PDE1A: variants seen among roughly 807,000 people sequenced by gnomAD.
PDE1A encodes phosphodiesterase 1A.
Under a neutral mutation model 61.7 loss-of-function variants are expected in PDE1A, and 35 were observed. The observed-to-expected ratio is 0.57, with a 90% CI of 0.43 to 0.75. The LOEUF (loss-of-function observed/expected upper bound fraction) is 0.75, where lower values mean the gene tolerates loss of function less well. Ranked by LOEUF, PDE1A falls within the 30% of genes least tolerant of loss-of-function variation. The pLI is 0.00. For missense variants in PDE1A, 597 were observed against 630.6 expected (o/e 0.95, Z 0.57); for synonymous variants, 232 against 213.2 (o/e 1.09, Z -0.77).
chr2:182,610,087 C>CAAAA, the PDE1A span, among the ~76,000 whole-genome samples: 1 of 127,332 alleles, frequency 7.9e-6, no homozygotes, highest in Non-Finnish European at 1.6e-5. Context: ...GACTCTATCT[C>CAAAA]AAAAAAAAAA....
chr2:182,146,909 A>G (rs1046805318), downstream of PDE1A: 1 of 413,052 alleles, frequency 2.4e-6, no homozygotes, highest in African/African-American at 2.1e-5. Flanking sequence ...ATTTTGTCTC[A>G]AAGGATTGAT....
At chr2:182,462,346 T>C (rs146114799) in intron 2 of PDE1A, among the ~76,000 whole-genome samples, 2,619 of 151,130 alleles carry the variant, frequency 0.017, 39 homozygotes, top group Non-Finnish European at 0.025. Flanking sequence ...TATATATATG[T>C]ATATCTTATA....
At chr2:182,406,205 C>T (rs1425189138) in intron 1 of PDE1A, among the ~76,000 whole-genome samples, 1 of 151,912 alleles carries the variant, frequency 6.6e-6, no homozygotes, top group Non-Finnish European at 1.5e-5. Context: ...TCAAACAAGG[C>T]CTAAAATTAC....
the PDE1A span, among the ~76,000 whole-genome samples, chr2:182,664,145 T>C: frequency 6.6e-6 from 1 of 152,162 alleles, no homozygotes; most frequent in African/African-American, 2.4e-5. Flanking sequence ...ATCCATCCAA[T>C]AAATAAAAAT....
chr2:182,385,640 GAAGAAAGA>G (rs142307251), intron 1 of PDE1A, among the ~76,000 whole-genome samples: 2 of 70,486 alleles, frequency 2.8e-5, no homozygotes, highest in Non-Finnish European at 6.6e-5. Context: ...AAAGAAAGAA[GAAGAAAGA>G]AAGAAAGAAA....
chr2:182,616,559 C>A, the PDE1A span, among the ~76,000 whole-genome samples: 1 of 152,232 alleles, frequency 6.6e-6, no homozygotes, highest in Non-Finnish European at 1.5e-5. Flanking sequence ...GATTCAGCTT[C>A]TCTGTTTATG....
At chr2:182,527,664 A>G (rs1234180601), upstream of PDE1A, among the ~76,000 whole-genome samples, 1 of 152,086 alleles carries the variant, frequency 6.6e-6, no homozygotes, top group Non-Finnish European at 1.5e-5. Context: ...AAAGACAAAA[A>G]AAGTTCCTAA....
intron 1 of PDE1A, among the ~76,000 whole-genome samples, chr2:182,330,161 T>A (rs937488803): frequency 6.6e-6 from 1 of 152,060 alleles, no homozygotes; most frequent in Admixed American, 6.5e-5. Flanking sequence ...CTGGCCAACA[T>A]GGTGAAACCC....
intron 2 of PDE1A, among the ~76,000 whole-genome samples, chr2:182,501,765 C>T (rs1322970386): frequency 6.6e-6 from 1 of 152,190 alleles, no homozygotes; most frequent in Non-Finnish European, 1.5e-5. Flanking sequence ...ATACTTCCTC[C>T]CATGTCCTCA....
chr2:182,200,068 C>A (rs368729272), intron 10 of PDE1A, among the ~76,000 whole-genome samples: 2 of 152,042 alleles, frequency 1.3e-5, no homozygotes, highest in Non-Finnish European at 2.9e-5. Context: ...AATTAATGAA[C>A]AAACTTTCAA....
At chr2:182,263,258 T>C (rs1692360238) in intron 2 of PDE1A, among the ~76,000 whole-genome samples, 1 of 152,182 alleles carries the variant, frequency 6.6e-6, no homozygotes, top group Non-Finnish European at 1.5e-5. Flanking sequence ...CTGTCATCTA[T>C]GTGACAAATG....
the PDE1A span, among the ~76,000 whole-genome samples, chr2:182,529,903 C>T: frequency 6.6e-6 from 1 of 152,188 alleles, no homozygotes; most frequent in Non-Finnish European, 1.5e-5. Flanking sequence ...TCTTTTCCTT[C>T]ATAAATTACC....
intron 2 of PDE1A, among the ~76,000 whole-genome samples, chr2:182,242,897 TCC>T (rs1491300380): frequency 0.022 from 2,621 of 119,260 alleles, 24 homozygotes; most frequent in African/African-American, 0.046. Flanking sequence ...TCTCTCTCTC[TCC>T]CTCTCTCTCT....
At chr2:182,699,004 T>C in the PDE1A span, among the ~76,000 whole-genome samples, 1 of 152,176 alleles carries the variant, frequency 6.6e-6, no homozygotes. Context: ...AACATGAGGA[T>C]CAGGCAGTAA....
At chr2:182,578,255 A>G in the PDE1A span, among the ~76,000 whole-genome samples, 2 of 152,036 alleles carry the variant, frequency 1.3e-5, no homozygotes, top group Non-Finnish European at 2.9e-5. Flanking sequence ...TTTATACCTT[A>G]TGTATCTATT....
At chr2:182,464,926 T>G (rs1370615034) in intron 2 of PDE1A, among the ~76,000 whole-genome samples, 1 of 152,134 alleles carries the variant, frequency 6.6e-6, no homozygotes, top group Non-Finnish European at 1.5e-5. Flanking sequence ...TGATACATGA[T>G]GAACACTCAA....
At chr2:182,334,448 C>G (rs1232057530) in intron 1 of PDE1A, among the ~76,000 whole-genome samples, 1 of 152,178 alleles carries the variant, frequency 6.6e-6, no homozygotes, top group Non-Finnish European at 1.5e-5. Flanking sequence ...GGCTTCAACC[C>G]TGGGATGCAA....
chr2:182,382,288 T>C (rs1400852517), intron 1 of PDE1A, among the ~76,000 whole-genome samples: 1 of 152,180 alleles, frequency 6.6e-6, no homozygotes, highest in Admixed American at 6.5e-5. Flanking sequence ...ATAAGAAAGA[T>C]ATAAAGCTAG....
the PDE1A span, among the ~76,000 whole-genome samples, chr2:182,627,735 G>C: frequency 1.3e-5 from 2 of 151,670 alleles, no homozygotes; most frequent in Non-Finnish European, 2.9e-5. Context: ...CTGAAGTCAG[G>C]AGTTCGAGAC....
Sources: allele counts gnomAD v4.1 joint callset (sites outside exome capture counted in the v4.1 genomes callset), GRCh38; gene constraint gnomAD v4.1.1; transcripts MANE v1.5; gene names NCBI Gene and HGNC (gene_info 2026-07-23, HGNC 2026-07-21).